CALD1: variants seen among roughly 807,000 people sequenced by gnomAD.
The protein encoded by CALD1 is caldesmon 1.
Under a neutral mutation model 99.9 loss-of-function variants are expected in CALD1, and 33 were observed. The observed-to-expected ratio is 0.33, with a 90% CI of 0.25 to 0.44. The LOEUF is 0.44. Among genes scored for constraint, CALD1 ranks in the 20% least tolerant of loss-of-function variants. The pLI is 1.00. For synonymous variants in CALD1, 310 were observed against 325.0 expected (o/e 0.95, Z 0.50); for missense variants, 861 against 962.1 (o/e 0.89, Z 1.39).
At chr7:134,872,606 T>C (rs1178621559) in intron 3 of CALD1, among the ~76,000 whole-genome samples, 1 of 152,110 alleles carries the variant, frequency 6.6e-6, no homozygotes, top group African/African-American at 2.4e-5. Context: ...TGGTCACCAG[T>C]AGGGACAGTA....
chr7:134,839,102 C>A (rs1799553119), intron 1 of CALD1, among the ~76,000 whole-genome samples: 1 of 152,212 alleles, frequency 6.6e-6, no homozygotes, highest in South Asian at 2.1e-4. Context: ...CACCCAGCCA[C>A]TGCCTCATGA....
At chr7:134,840,828 G>T (rs1269109384) in intron 1 of CALD1, among the ~76,000 whole-genome samples, 1 of 152,158 alleles carries the variant, frequency 6.6e-6, no homozygotes, top group African/African-American at 2.4e-5. Flanking sequence ...GTTTTCTTGT[G>T]AAGATTAAAT....
chr7:134,902,134 A>G (rs1412494945), intron 3 of CALD1, among the ~76,000 whole-genome samples: 1 of 152,046 alleles, frequency 6.6e-6, no homozygotes, highest in Non-Finnish European at 1.5e-5. Flanking sequence ...GTGAAAAATG[A>G]TATTGTGATA....
At chr7:134,846,846 A>G (rs1276292700) in intron 2 of CALD1, among the ~76,000 whole-genome samples, 1 of 152,234 alleles carries the variant, frequency 6.6e-6, no homozygotes, top group Non-Finnish European at 1.5e-5. Context: ...CAGGAAAAAG[A>G]TGCCCATTTT....
chr7:134,753,013 AAAAAAAAAAC>A (rs1276313869), intron 1 of CALD1, among the ~76,000 whole-genome samples: 2 of 89,282 alleles, frequency 2.2e-5, no homozygotes, highest in African/African-American at 7.8e-5. Context: ...CTGTATCGAA[AAAAAAAAAAC>A]AAAAAAAAAC....
the CALD1 span, chr7:134,734,935 C>A: frequency 1.1e-5 from 2 of 173,954 alleles, no homozygotes; most frequent in African/African-American, 4.8e-5. Flanking sequence ...CTTAAACGCT[C>A]CCTTCCCCTC....
chr7:134,848,097 G>GA (rs566114460), intron 2 of CALD1, among the ~76,000 whole-genome samples: 11,786 of 143,230 alleles, frequency 0.082, 549 homozygotes, highest in Middle Eastern at 0.14. Context: ...ACAGTCTGGG[G>GA]AAAAAAAAAA....
chr7:134,812,476 A>G (rs1798388789), intron 1 of CALD1, among the ~76,000 whole-genome samples: 1 of 152,090 alleles, frequency 6.6e-6, no homozygotes, highest in African/African-American at 2.4e-5. Context: ...GAAATCGACA[A>G]TATCGGGAGT....
chr7:134,863,091 T>C (rs966234260), intron 2 of CALD1, among the ~76,000 whole-genome samples: 1 of 152,116 alleles, frequency 6.6e-6, no homozygotes, highest in South Asian at 2.1e-4. Context: ...AAGGACACCA[T>C]CATATTGGAT....
intron 1 of CALD1, among the ~76,000 whole-genome samples, chr7:134,763,542 C>T (rs1260515884): frequency 6.6e-6 from 1 of 152,170 alleles, no homozygotes; most frequent in Non-Finnish European, 1.5e-5. Flanking sequence ...TTCCCTAACA[C>T]CTCTTTCTCT....
chr7:134,832,669 G>T (rs1267741740), intron 1 of CALD1, among the ~76,000 whole-genome samples: 2 of 152,178 alleles, frequency 1.3e-5, no homozygotes, highest in African/African-American at 2.4e-5. Flanking sequence ...GCCACATCGG[G>T]AAATGAAGGA....
rs1410621508 is a variant in CALD1 at position 134,783,225 on chromosome 7, T to G, written c.-130+3476T>G. On this transcript the variant is annotated intron_variant, in intron 1 of 14. Transcript: ENST00000361675. The surrounding 1 kb of genome is among the most constrained non-coding windows in gnomAD (Gnocchi z 4.3). ...TCCACGGAGCTCGCCTCTCACCTCT[T>G]TGCTTCTGTCTTTAGTGCTCCCAGC... is the stretch of plus-strand genomic sequence containing the variant. Among the ~76,000 whole-genome samples the G allele has an allele frequency of 6.6e-6, 1 of 152,110 alleles. No individual in the cohort carries two copies. Among genetic ancestry groups the G allele is most frequent in the Admixed American group, 6.5e-5 (1 of 15,268 alleles).
intron 1 of CALD1, among the ~76,000 whole-genome samples, chr7:134,820,556 C>G (rs1319504119): frequency 6.6e-6 from 1 of 152,168 alleles, no homozygotes; most frequent in Non-Finnish European, 1.5e-5. Flanking sequence ...GGAGAAAAAT[C>G]ATTTTCACTG....
chr7:134,866,520 G>GA (rs958079352), intron 2 of CALD1, among the ~76,000 whole-genome samples: 21 of 152,032 alleles, frequency 1.4e-4, no homozygotes, highest in African/African-American at 4.6e-4. Context: ...TTTTAGAGGG[G>GA]AAAAAACCTT....
rs1044603851 is a variant in CALD1, at chr7:134,795,815, A to C, written c.-130+16066A>C. ...TGGTAACAAAAAATACTTCACCCAC[A>C]CTCTGCTGGGAAGATGCGACGGTGG... On this transcript the variant is annotated intron_variant, in intron 1 of 14. Transcript: ENST00000361675. Among the ~76,000 whole-genome samples, 3 of 151,670 alleles carry C rather than the reference A, an allele frequency of 2.0e-5. No homozygotes were observed. In the South Asian group the frequency reaches 6.3e-4, roughly 32 times the overall value.
chr7:134,711,726 G>GTCTCTC, the CALD1 span, among the ~76,000 whole-genome samples: 4 of 96,740 alleles, frequency 4.1e-5, no homozygotes, highest in South Asian at 3.6e-4. Flanking sequence ...GTGTGTGTGT[G>GTCTCTC]TCTCTCTCTC....
In CALD1 at chr7:134,967,666, G is replaced by A. The variant is rs79856162; in HGVS notation, c.2377-674G>A. On this transcript the variant is annotated intron_variant, in intron 14 of 14. Coordinates refer to ENST00000361675, the MANE Select transcript of CALD1 (RefSeq NM_033138.4). ...CTGAGCTATTCAGTCGCATGTGCCT[G>A]TTCTGGAATACACACTGTAGATTTT... Among the ~76,000 whole-genome samples the A allele has an allele frequency of 2.5e-4, 38 of 152,240 alleles. No individual in the cohort carries two copies. The East Asian group carries it at 7.1e-3, about 29-fold the overall frequency.
intron 13 of CALD1, chr7:134,962,019 C>T (rs1808304025): frequency 6.6e-6 from 1 of 152,110 alleles, no homozygotes; most frequent in African/African-American, 2.4e-5. Flanking sequence ...TATGGACCTA[C>T]TGAGTAACTC....
At chr7:134,864,951 G>A (rs1033453135) in intron 2 of CALD1, among the ~76,000 whole-genome samples, 1 of 151,876 alleles carries the variant, frequency 6.6e-6, no homozygotes, top group African/African-American at 2.4e-5. Context: ...CTCCGAGAAC[G>A]CATCATCTGT....
Sources: allele counts gnomAD v4.1 joint callset (sites outside exome capture counted in the v4.1 genomes callset), GRCh38; gene constraint gnomAD v4.1.1; non-coding constraint Gnocchi (gnomAD v3.1); transcripts MANE v1.5; gene names NCBI Gene and HGNC (gene_info 2026-07-23, HGNC 2026-07-21).